The following ERG variants were observed in gnomAD, a reference collection of about 807,000 sequenced individuals.
ERG encodes transcriptional regulator ERG.
ERG carries 9 observed loss-of-function variants against 55.3 expected under a neutral mutation model. The observed-to-expected ratio is 0.16, with a 90% CI of 0.10 to 0.28. The LOEUF (loss-of-function observed/expected upper bound fraction) is 0.28. Among genes scored for constraint, ERG ranks in the 10% least tolerant of loss-of-function variants. The probability of loss-of-function intolerance (pLI) is 1.00; values close to 1 mark genes in which losing one functional copy is unlikely to be tolerated. For synonymous variants in ERG, 223 were observed against 237.3 expected (o/e 0.94, Z 0.55); for missense variants, 434 against 631.6 (o/e 0.69, Z 3.35).
downstream of ERG, among the ~76,000 whole-genome samples, chr21:38,375,693 T>C (rs1166445109): frequency 1.3e-5 from 2 of 152,224 alleles, no homozygotes; most frequent in African/African-American, 4.8e-5. Flanking sequence ...TAGTGTTCAC[T>C]CAACTGAAGC....
chr21:38,368,638 AGGGG>A, the ERG span, among the ~76,000 whole-genome samples: 1 of 152,114 alleles, frequency 6.6e-6, no homozygotes, highest in African/African-American at 2.4e-5. Context: ...TTTTGAGTTC[AGGGG>A]TACAAGTGCA....
At chr21:38,531,420 G>GTT (rs1255203243) in intron 2 of ERG, among the ~76,000 whole-genome samples, 2 of 152,070 alleles carry the variant, frequency 1.3e-5, no homozygotes, top group Admixed American at 6.5e-5. Flanking sequence ...CATTTACAGT[G>GTT]TTTGAGCCCT....
rs117620331 is a variant in ERG at position 38,467,102 on chromosome 21, T to C, written c.19-21481A>G. Among the ~76,000 whole-genome samples the C allele has an allele frequency of 4.7e-4, 71 of 152,278 alleles. No homozygotes were observed. In the East Asian group the frequency reaches 0.011, roughly 23 times the overall value. On this transcript the variant is annotated intron_variant, in intron 1 of 9. Coordinates refer to ENST00000288319, the MANE Select transcript of ERG (RefSeq NM_182918.4). ...GAATCCAATCTCGGCCCTCAAGTCA[T>C]GGGTTAAAGACTTGGTTTTTTATCT...
Position 38,381,760 on chromosome 21 carries a change from AT to A in ERG, c.*1642del, listed in dbSNP as rs1375374418. ...ACCCCAGCTTCATAGGCCTCTTTCC[AT>A]TCCAGGCATAAATATGGAGGCTCCA... On this transcript the variant is annotated 3_prime_UTR_variant, in exon 10 of 10. Coordinates refer to ENST00000288319, the MANE Select transcript of ERG (RefSeq NM_182918.4). 9.4e-7 allele frequency: 1 copy of A among 1,063,242 alleles called. No homozygotes were observed. The highest frequency in any genetic ancestry group is 1.1e-6 in the Non-Finnish European group (1 of 878,144). The allele number at this position is 1,063,242 out of a possible 1,614,324, so 65.9% of individuals were successfully genotyped here.
chr21:38,371,546 A>G, the ERG span, among the ~76,000 whole-genome samples: 8 of 152,020 alleles, frequency 5.3e-5, no homozygotes, highest in African/African-American at 1.9e-4. Flanking sequence ...TAAAGAAGTC[A>G]TATTCTTTTC....
intron 3 of ERG, among the ~76,000 whole-genome samples, chr21:38,415,574 C>A (rs544680921): frequency 1.3e-5 from 2 of 152,244 alleles, no homozygotes; most frequent in East Asian, 3.9e-4. Flanking sequence ...ATCATATCGA[C>A]AGAGTGGAAG....
At chr21:38,549,440 C>T (rs1041378441) in intron 2 of ERG, among the ~76,000 whole-genome samples, 16 of 152,352 alleles carry the variant, frequency 1.1e-4, no homozygotes, top group Admixed American at 2.6e-4. Flanking sequence ...TGTCTATCCA[C>T]GTGTTATAGC....
chr21:38,445,741 C>T, intron 1 of ERG, 120 bp from the exon 2 acceptor site: 1 of 708,844 alleles, frequency 1.4e-6, no homozygotes, highest in Non-Finnish European at 2.4e-6. Flanking sequence ...TTTATGGTCT[C>T]CATTTCTACC....
chr21:38,493,372 G>T (rs1173981459), intron 1 of ERG, among the ~76,000 whole-genome samples: 2 of 152,172 alleles, frequency 1.3e-5, no homozygotes, highest in African/African-American at 4.8e-5. Context: ...TAACTGAGAA[G>T]AGCAGGACAG....
At chr21:38,617,867 C>T (rs760231228) in intron 1 of ERG, among the ~76,000 whole-genome samples, 2 of 152,170 alleles carry the variant, frequency 1.3e-5, no homozygotes, top group African/African-American at 2.4e-5. Flanking sequence ...TGGAATCTGT[C>T]TCTGGGCAGG....
chr21:38,622,600 TCA>T (rs994508193), intron 1 of ERG, among the ~76,000 whole-genome samples: 14 of 119,954 alleles, frequency 1.2e-4, no homozygotes, highest in East Asian at 5.2e-4. Flanking sequence ...CCACACACAA[TCA>T]CACACACACG....
chr21:38,390,366 T>C (rs1046743421), intron 9 of ERG, among the ~76,000 whole-genome samples: 5 of 152,236 alleles, frequency 3.3e-5, no homozygotes, highest in African/African-American at 1.2e-4. Context: ...TCTGCTTGTA[T>C]AATGGGTTGA....
At chr21:38,582,113 C>A (rs899654417) in intron 1 of ERG, among the ~76,000 whole-genome samples, 2 of 151,242 alleles carry the variant, frequency 1.3e-5, no homozygotes, top group Non-Finnish European at 2.9e-5. Flanking sequence ...TTGCCCTGTG[C>A]ACCTCTTCAT....
chr21:38,648,659 C>CT (rs2060471242), intron 1 of ERG, among the ~76,000 whole-genome samples: 1 of 152,258 alleles, frequency 6.6e-6, no homozygotes, highest in South Asian at 2.1e-4. Context: ...GTCCTGACTC[C>CT]TAATGGCAAG....
intron 3 of ERG, among the ~76,000 whole-genome samples, chr21:38,406,154 C>CAAAAAAAAAAAAAAA (rs56711562): frequency 0.013 from 1,273 of 94,824 alleles, 40 homozygotes; most frequent in African/African-American, 0.017. Context: ...GACTCCATCT[C>CAAAAAAAAAAAAAAA]AAAAAAAAAA....
intron 1 of ERG, among the ~76,000 whole-genome samples, chr21:38,483,181 CAGGGTGAACA>C (rs767636159): frequency 4.6e-5 from 7 of 152,070 alleles, no homozygotes; most frequent in Non-Finnish European, 1.0e-4. Context: ...AGCAAATATG[CAGGGTGAACA>C]AGTCTAGAGA....
chr21:38,467,354 ATCTT>A (rs2059100133), intron 1 of ERG, among the ~76,000 whole-genome samples: 1 of 152,324 alleles, frequency 6.6e-6, no homozygotes, highest in East Asian at 1.9e-4. Context: ...CTAGCTCCGG[ATCTT>A]TTATGCATCA....
intron 1 of ERG, among the ~76,000 whole-genome samples, chr21:38,464,235 C>T (rs1020341641): frequency 6.6e-6 from 1 of 152,126 alleles, no homozygotes; most frequent in African/African-American, 2.4e-5. Flanking sequence ...TGGTTGAACC[C>T]TGAATTACCA....
intron 1 of ERG, among the ~76,000 whole-genome samples, chr21:38,605,493 T>C (rs1398843679): frequency 1.3e-5 from 2 of 152,014 alleles, no homozygotes; most frequent in Admixed American, 1.3e-4. Context: ...TTTACATACA[T>C]TACACACATG....
Sources: gnomAD v4.1 joint callset for allele counts (sites outside exome capture counted in the v4.1 genomes callset) on GRCh38, gnomAD v4.1.1 for gene constraint, MANE v1.5 for transcripts, NCBI Gene and HGNC (gene_info 2026-07-23, HGNC 2026-07-21) for gene names.